The following CNTN2 variants were observed in gnomAD, a reference collection of about 807,000 sequenced individuals.
The protein encoded by CNTN2 is contactin 2.
A neutral mutation model predicts 117.5 loss-of-function variants in CNTN2; 53 were observed. That is an observed-to-expected ratio of 0.45 (90% CI 0.36 to 0.57). The LOEUF (loss-of-function observed/expected upper bound fraction) is 0.57. Ranked by LOEUF, CNTN2 falls within the 20% of genes least tolerant of loss-of-function variation. CNTN2 has a pLI of 0.00. For synonymous variants in CNTN2, 530 were observed against 561.7 expected, an observed-to-expected ratio of 0.94 and a Z score of 0.80; for missense variants, 1,106 against 1,404.3, an observed-to-expected ratio of 0.79 and a Z score of 3.39.
In CNTN2 at chr1:205,062,211, A is replaced by G. The variant is rs563250304; in HGVS notation, c.1110+210A>G. The stretch of plus-strand genomic sequence containing the variant: ...TGGATCCAGGCACAGTTCAGCCACA[A>G]AAGAAGTGATGTGGTCCTGACTGGG... On this transcript the variant is annotated intron_variant, in intron 9 of 22. Transcript: ENST00000331830. 9.5e-4 allele frequency: 792 copies of G among 829,632 alleles called. 1 individual carries two copies. Among genetic ancestry groups the G allele is most frequent in the Non-Finnish European group, 1.2e-3 (663 of 550,308 alleles). 51.4% of individuals were successfully genotyped at this position (829,632 alleles called of 1,614,324 possible).
At chr1:205,066,349 T>G (rs1236173195) in intron 14 of CNTN2, 92 bp from the exon 15 acceptor site, 1 of 1,474,924 alleles carries the variant, frequency 6.8e-7, no homozygotes, top group Admixed American at 1.8e-5. Context: ...CCTGTCTTGG[T>G]ACTGTACCAG....
intron 1 of CNTN2, 59 bp from the exon 2 acceptor site, chr1:205,053,041 C>G (rs2096455573): frequency 1.9e-6 from 1 of 518,348 alleles, no homozygotes; most frequent in South Asian, 3.1e-5. Context: ...CCCAGATGTG[C>G]CTGGAGCTGG....
In CNTN2 at chr1:205,072,098, C is replaced by A. The variant is rs1056605494; in HGVS notation, c.2696C>A (p.Ala899Asp). ...RAYNRAGTGPASPSANATTMK... is the reference protein window; with the variant it reads ...RAYNRAGTGPDSPSANATTMK... ...TACAACCGGGCTGGCACTGGGCCTG[C>A]CAGCCCTTCTGCCAACGCCACGACC... Residue 899 changes from alanine (A) to aspartate (D), a missense_variant, in exon 20 of 23, where the codon GCC (alanine) becomes GAC (aspartate). Transcript: ENST00000331830. 6 of 1,613,144 alleles carry A rather than the reference C, an allele frequency of 3.7e-6. No individual in the cohort carries two copies. Among genetic ancestry groups the A allele is most frequent in the Non-Finnish European group, 5.1e-6 (6 of 1,179,774 alleles).
chr1:205,057,388 A>G (rs1197904706), intron 2 of CNTN2: 1 of 152,080 alleles, frequency 6.6e-6, no homozygotes, highest in Non-Finnish European at 1.5e-5. Flanking sequence ...CATGCACCTC[A>G]CACCCCACAG....
At chr1:205,052,839 G>A (rs985371710) in intron 1 of CNTN2, among the ~76,000 whole-genome samples, 1 of 152,188 alleles carries the variant, frequency 6.6e-6, no homozygotes, top group Non-Finnish European at 1.5e-5. Context: ...TTCCTAAGCG[G>A]CACCCCACTG....
intron 1 of CNTN2, among the ~76,000 whole-genome samples, chr1:205,045,049 CTGA>C (rs1000910455): frequency 1.1e-4 from 17 of 152,296 alleles, no homozygotes; most frequent in African/African-American, 3.8e-4. Context: ...GGCCCCTGAC[CTGA>C]TGATGTCAAA....
At chr1:205,047,375 G>A (rs1355367413) in intron 1 of CNTN2, among the ~76,000 whole-genome samples, 1 of 152,148 alleles carries the variant, frequency 6.6e-6, no homozygotes, top group African/African-American at 2.4e-5. Context: ...AGAGGGGCAT[G>A]GGGATGGTTC....
chr1:205,072,720 C>A (rs2151200518), intron 21 of CNTN2, 125 bp downstream of exon 21: 1 of 733,030 alleles, frequency 1.4e-6, no homozygotes, highest in Non-Finnish European at 2.3e-6. Flanking sequence ...GGGTTTGTGA[C>A]TGTGAGAGGA....
rs1265492667 is a variant in CNTN2 at position 205,076,980 on chromosome 1, A to T, written c.*3215A>T. On this transcript the variant is annotated 3_prime_UTR_variant, in exon 23 of 23. Transcript: ENST00000331830. ...AAAAACCTCTGGAATGACCTTCCTCATTCCAGGAGGCCCTGGAATAAGGAA... is the reference window on the plus strand; with the variant it reads ...AAAAACCTCTGGAATGACCTTCCTCTTTCCAGGAGGCCCTGGAATAAGGAA... The T allele has an allele frequency of 1.3e-5, 2 of 152,214 alleles. No homozygotes were observed. Among genetic ancestry groups the T allele is most frequent in the African/African-American group, 4.8e-5 (2 of 41,452 alleles). 9.4% of individuals were successfully genotyped at this position (152,214 alleles called of 1,614,324 possible).
In CNTN2 at chr1:205,077,427, T is replaced by TA. The variant is rs1465757723; in HGVS notation, c.*3663dup. Reference sequence around the variant, plus strand: ...ACTGGCTCATTGGTGGGAGACACAGTATCCTCAAACCTGTGGCCACTGGCA... The same window carrying TA: ...ACTGGCTCATTGGTGGGAGACACAGTAATCCTCAAACCTGTGGCCACTGGCA... On this transcript the variant is annotated 3_prime_UTR_variant, in exon 23 of 23. Coordinates refer to ENST00000331830, the MANE Select transcript of CNTN2 (RefSeq NM_005076.5). The TA allele has an allele frequency of 6.6e-6, 1 of 152,272 alleles. No homozygotes were observed. The highest frequency in any genetic ancestry group is 2.4e-5 in the African/African-American group (1 of 41,468). 9.4% of individuals were successfully genotyped at this position (152,272 alleles called of 1,614,324 possible). A position where few individuals can be genotyped will look rare whatever the true frequency, so the allele number is the denominator to read the frequency against.
Position 205,059,515 on chromosome 1 carries a change from G to T in CNTN2, c.698-68G>T. 1 of 1,454,022 alleles carries T rather than the reference G, an allele frequency of 6.9e-7. No homozygotes were observed. The highest frequency in any genetic ancestry group is 9.7e-7 in the Non-Finnish European group (1 of 1,035,204). The allele number at this position is 1,454,022 out of a possible 1,614,324, so 90.1% of individuals were successfully genotyped here. On this transcript the variant is annotated intron_variant, in intron 6 of 22. Coordinates refer to ENST00000331830, the MANE Select transcript of CNTN2 (RefSeq NM_005076.5). The surrounding 1 kb of genome is among the most constrained non-coding windows in gnomAD (Gnocchi z 5.6). The stretch of plus-strand genomic sequence containing the variant: ...CAGAGTTGGCTCTGAAAGGTGCTGA[G>T]ATCCCATGCACGGGAGCACCTGACC...
At position 205,048,090 on chromosome 1, in the gene CNTN2, T is replaced by G. The variant is rs1288683299; in HGVS notation, c.-87+4696T>G. Among the ~76,000 whole-genome samples, 1 of 152,184 alleles carries G rather than the reference T, an allele frequency of 6.6e-6. No individual in the cohort carries two copies. The highest frequency in any genetic ancestry group is 6.5e-5 in the Admixed American group (1 of 15,284). ...AGGGCTCCTCAAGTACTTTGTAGGC[T>G]GATAATAAATCACTTAGTCTCTGCC... On this transcript the variant is annotated intron_variant, in intron 1 of 22. Coordinates refer to ENST00000331830, the MANE Select transcript of CNTN2 (RefSeq NM_005076.5). This position sits in a 1 kb window ranked among gnomAD's most constrained non-coding sequence, Gnocchi z 4.1.
chr1:205,052,002 G>A (rs966992861), intron 1 of CNTN2, among the ~76,000 whole-genome samples: 2 of 152,194 alleles, frequency 1.3e-5, no homozygotes, highest in Non-Finnish European at 2.9e-5. Context: ...CCAGAACACT[G>A]AGATCCAGAG....
intron 7 of CNTN2, chr1:205,060,089 T>C (rs1261685894): frequency 4.8e-6 from 1 of 207,236 alleles, no homozygotes; most frequent in Non-Finnish European, 9.9e-6. Flanking sequence ...TAATAGTACC[T>C]ACCTCATAGG....
chr1:205,077,601 T>C lies in CNTN2; in HGVS notation c.*3836T>C, dbSNP rs1212334680. The C allele has an allele frequency of 6.6e-6, 1 of 152,258 alleles. No individual in the cohort carries two copies. The highest frequency in any genetic ancestry group is 2.1e-4 in the South Asian group (1 of 4,828). 9.4% of individuals were successfully genotyped at this position (152,258 alleles called of 1,614,324 possible). A position where few individuals can be genotyped will look rare whatever the true frequency, so the allele number is the denominator to read the frequency against. ...AAAAAGCTCCATGGAAACAGGCACC[T>C]GGTAGCTGCGGAACACCCGTGGACT... On this transcript the variant is annotated 3_prime_UTR_variant, in exon 23 of 23. Transcript: ENST00000331830.
intron 2 of CNTN2, chr1:205,057,432 C>T (rs1653704693): frequency 6.6e-6 from 1 of 152,666 alleles, no homozygotes; most frequent in African/African-American, 2.4e-5. Context: ...TTGAAAGCCC[C>T]CTGGGAGGTA....
At chr1:205,064,164 G>T (rs1654141757) in intron 10 of CNTN2, among the ~76,000 whole-genome samples, 158 bp from the exon 11 acceptor site, 1 of 152,056 alleles carries the variant, frequency 6.6e-6, no homozygotes, top group South Asian at 2.1e-4. Context: ...CGGGAGATTT[G>T]ATAGCTTAGG....
rs1487993899 is a variant in CNTN2, at chr1:205,075,835, G to C, written c.*2070G>C. ...TGACAGGGAGTCCAAACTTGGCCTA[G>C]CATCCCTCCTGGCCCCCCTCTGGCC... On this transcript the variant is annotated 3_prime_UTR_variant, in exon 23 of 23. Coordinates refer to ENST00000331830, the MANE Select transcript of CNTN2 (RefSeq NM_005076.5). 6.6e-6 allele frequency: 1 copy of C among 152,198 alleles called. No homozygotes were observed. The highest frequency in any genetic ancestry group is 1.5e-5 in the Non-Finnish European group (1 of 68,070). 9.4% of individuals were successfully genotyped at this position (152,198 alleles called of 1,614,324 possible).
rs1347848311 is a variant in CNTN2, at chr1:205,075,751, C to T, written c.*1986C>T. On this transcript the variant is annotated 3_prime_UTR_variant, in exon 23 of 23. Transcript: ENST00000331830. ...GAGCTGGCTAATGAAAGCCTCCTCA[C>T]CTCTTCCCAACCCTTACAAGCAAGG... is the stretch of plus-strand genomic sequence containing the variant. 6.8e-6 allele frequency: 1 copy of T among 146,636 alleles called. No homozygotes were observed. The highest frequency in any genetic ancestry group is 1.5e-5 in the Non-Finnish European group (1 of 66,474). The allele number at this position is 146,636 out of a possible 1,614,324, so 9.1% of individuals were successfully genotyped here.
Sources: allele counts gnomAD v4.1 joint callset (sites outside exome capture counted in the v4.1 genomes callset), GRCh38; gene constraint gnomAD v4.1.1; non-coding constraint Gnocchi (gnomAD v3.1); transcripts MANE v1.5; gene names NCBI Gene and HGNC (gene_info 2026-07-23, HGNC 2026-07-21).